RPS6KC1: variants seen among roughly 807,000 people sequenced by gnomAD.
RPS6KC1 encodes ribosomal protein S6 kinase C1.
A neutral mutation model predicts 103.8 loss-of-function variants in RPS6KC1; 54 were observed. The observed-to-expected ratio is 0.52, with a 90% confidence interval of 0.42 to 0.65. The LOEUF is 0.65. Among genes scored for constraint, RPS6KC1 ranks in the 30% least tolerant of loss-of-function variants. The pLI is 0.00. For missense variants in RPS6KC1, 1,151 were observed against 1,253.8 expected (o/e 0.92, Z 1.24); for synonymous variants, 439 against 438.7 (o/e 1.00, Z -0.01).
the RPS6KC1 span, among the ~76,000 whole-genome samples, chr1:213,417,719 A>T: frequency 3.9e-5 from 6 of 152,172 alleles, no homozygotes; most frequent in South Asian, 4.1e-4. Context: ...GGGCTCCCTC[A>T]TTCAGCCAGG....
chr1:213,509,454 A>G, the RPS6KC1 span, among the ~76,000 whole-genome samples: 1 of 152,280 alleles, frequency 6.6e-6, no homozygotes, highest in South Asian at 2.1e-4. Flanking sequence ...TGGTCGTTCA[A>G]TTTTCAAAAT....
At chr1:213,695,634 A>C in the RPS6KC1 span, among the ~76,000 whole-genome samples, 128 of 152,342 alleles carry the variant, frequency 8.4e-4, 2 homozygotes, top group African/African-American at 2.7e-3. Context: ...TCAGCATTCT[A>C]TTCCAGGACT....
chr1:213,533,708 T>G, the RPS6KC1 span, among the ~76,000 whole-genome samples: 1 of 152,316 alleles, frequency 6.6e-6, no homozygotes, highest in Non-Finnish European at 1.5e-5. Flanking sequence ...TTCCACACGT[T>G]GCTATAATCT....
At chr1:213,769,250 A>G in the RPS6KC1 span, among the ~76,000 whole-genome samples, 8 of 152,276 alleles carry the variant, frequency 5.3e-5, no homozygotes, top group South Asian at 1.7e-3. Flanking sequence ...AAGGGGTTTG[A>G]AAGGTCATTT....
In RPS6KC1 at chr1:213,114,979, A is replaced by C. The variant is rs1161332011; in HGVS notation, c.379-2338A>C. On this transcript the variant is annotated intron_variant, in intron 4 of 14. Coordinates refer to ENST00000366960, the MANE Select transcript of RPS6KC1 (RefSeq NM_012424.6). Reference sequence around the variant, plus strand: ...CCAGTATTTTATTGAGGATTTTTGCATCAATGTTCATCAAGGATATTGGTC... The same window carrying C: ...CCAGTATTTTATTGAGGATTTTTGCCTCAATGTTCATCAAGGATATTGGTC... Among the ~76,000 whole-genome samples the C allele has an allele frequency of 5.9e-5, 9 of 152,324 alleles. No individual in the cohort carries two copies. In the South Asian group the frequency reaches 1.5e-3, roughly 25 times the overall value.
At chr1:213,490,894 G>A in the RPS6KC1 span, among the ~76,000 whole-genome samples, 2 of 152,262 alleles carry the variant, frequency 1.3e-5, no homozygotes, top group South Asian at 2.1e-4. Context: ...CTCACCTTCC[G>A]TTTCTCACCT....
At chr1:213,182,733 G>GAT (rs1033882381) in intron 8 of RPS6KC1, among the ~76,000 whole-genome samples, 3 of 148,462 alleles carry the variant, frequency 2.0e-5, no homozygotes, top group South Asian at 2.1e-4. Flanking sequence ...AATATAATGA[G>GAT]ATATATATAT....
At chr1:213,104,378 G>A (rs2082277969) in intron 3 of RPS6KC1, 76 bp from the exon 4 acceptor site, 2 of 937,004 alleles carry the variant, frequency 2.1e-6, no homozygotes, top group Admixed American at 4.0e-5. Flanking sequence ...GCTGCTTTCT[G>A]ATCTGTGGAC....
At chr1:213,178,806 G>A (rs1264751022) in intron 8 of RPS6KC1, among the ~76,000 whole-genome samples, 1 of 151,688 alleles carries the variant, frequency 6.6e-6, no homozygotes, top group Admixed American at 6.6e-5. Context: ...CCTCCGCCTC[G>A]TGGGTTCAAA....
intron 14 of RPS6KC1, among the ~76,000 whole-genome samples, chr1:213,267,022 C>G (rs187936181): frequency 6.6e-6 from 1 of 151,930 alleles, no homozygotes; most frequent in Non-Finnish European, 1.5e-5. Context: ...CCTGCTTGGT[C>G]AGGTGCAAAG....
the RPS6KC1 span, among the ~76,000 whole-genome samples, chr1:213,686,574 C>A: frequency 6.6e-6 from 1 of 152,166 alleles, no homozygotes; most frequent in African/African-American, 2.4e-5. Flanking sequence ...GAGCACTTAT[C>A]TGTGCTAGAC....
the RPS6KC1 span, among the ~76,000 whole-genome samples, chr1:213,474,743 T>C: frequency 6.6e-6 from 1 of 152,110 alleles, no homozygotes; most frequent in South Asian, 2.1e-4. Context: ...AATAGGAAAT[T>C]TGGATCTAAT....
In RPS6KC1 at chr1:213,240,837, G is replaced by T. The variant is rs1432354729; in HGVS notation, c.1361G>T (p.Ser454Ile). 2.5e-6 allele frequency: 4 copies of T among 1,613,810 alleles called. No individual in the cohort carries two copies. In the African/African-American group the frequency reaches 4.0e-5, roughly 16 times the overall value. ...QQPTSSPQDSSSFESRGSDGG... is the reference protein window; with the variant it reads ...QQPTSSPQDSISFESRGSDGG... ...CCAACTTCTAGTCCTCAGGACAGCAGTAGCTTTGAATCCAGAGGAAGTGAT... is the reference window on the plus strand; with the variant it reads ...CCAACTTCTAGTCCTCAGGACAGCATTAGCTTTGAATCCAGAGGAAGTGAT... The change falls in exon 11 of 15, where the codon AGT becomes ATT. Residue 454 changes from serine to isoleucine, a missense_variant. This residue lies in a region of RPS6KC1 where 959 missense variants were observed against 1,006.3 expected (regional missense o/e 0.95). Transcript: ENST00000366960.
chr1:213,417,439 C>G, the RPS6KC1 span, among the ~76,000 whole-genome samples: 1 of 152,192 alleles, frequency 6.6e-6, no homozygotes, highest in East Asian at 1.9e-4. Flanking sequence ...GATAAACATA[C>G]TAAAAATCTT....
intron 3 of RPS6KC1, among the ~76,000 whole-genome samples, chr1:213,096,242 T>G (rs2081439865): frequency 6.6e-6 from 1 of 152,198 alleles, no homozygotes; most frequent in African/African-American, 2.4e-5. Context: ...CATTTAACTT[T>G]TATCATGAGA....
chr1:213,475,273 A>G, the RPS6KC1 span, among the ~76,000 whole-genome samples: 3 of 152,098 alleles, frequency 2.0e-5, no homozygotes, highest in Admixed American at 6.5e-5. Flanking sequence ...ACTTTGGTGC[A>G]ATTTTCCAAA....
At chr1:213,264,163 T>C (rs1290430791) in intron 14 of RPS6KC1, among the ~76,000 whole-genome samples, 2 of 152,096 alleles carry the variant, frequency 1.3e-5, no homozygotes, top group African/African-American at 4.8e-5. Context: ...AAATTTGAGA[T>C]TTGGAGTTTG....
At chr1:213,696,250 G>A in the RPS6KC1 span, among the ~76,000 whole-genome samples, 4 of 151,796 alleles carry the variant, frequency 2.6e-5, no homozygotes, top group Admixed American at 6.6e-5. Context: ...CTGTAATTCC[G>A]GCACTTTGGG....
chr1:213,137,777 C>CTCTCTCTCTCTCTATATA (rs1387641875), intron 6 of RPS6KC1, among the ~76,000 whole-genome samples: 2 of 63,590 alleles, frequency 3.1e-5, no homozygotes, highest in African/African-American at 2.1e-4. Flanking sequence ...CTCTCTCTCT[C>CTCTCTCTCTCTCTATATA]TATATATATA....
Sources: gnomAD v4.1 joint callset for allele counts (sites outside exome capture counted in the v4.1 genomes callset) on GRCh38, gnomAD v4.1.1 for gene constraint, gnomAD v4.1.1 regional missense constraint, MANE v1.5 for transcripts, NCBI Gene and HGNC (gene_info 2026-07-23, HGNC 2026-07-21) for gene names.